Variants in ARHGEF10 observed in about 807,000 individuals in gnomAD.
ARHGEF10 encodes Rho guanine nucleotide exchange factor (GEF) 10.
Under a neutral mutation model 147.4 loss-of-function variants are expected in ARHGEF10, and 140 were observed. That is an observed-to-expected ratio of 0.95 (90% CI 0.83 to 1.09). The LOEUF (loss-of-function observed/expected upper bound fraction) is 1.09, where lower values mean the gene tolerates loss of function less well. Among genes scored for constraint, ARHGEF10 ranks in the 50% least tolerant of loss-of-function variants. The pLI is 0.00. For missense variants in ARHGEF10, 2,222 were observed against 1,752.7 expected (o/e 1.27, Z -4.78); for synonymous variants, 902 against 695.8 (o/e 1.30, Z -4.67).
chr8:1,930,789 G>A (rs764093426), intron 25 of ARHGEF10, among the ~76,000 whole-genome samples: 4 of 152,204 alleles, frequency 2.6e-5, no homozygotes, highest in Non-Finnish European at 4.4e-5. Flanking sequence ...CCTGGCCTGT[G>A]CGCACCTGCG....
chr8:1,929,406 G>C lies in ARHGEF10; in HGVS notation c.3042G>C (p.Leu1014=), dbSNP rs751872738. The C allele has an allele frequency of 5.6e-6, 9 of 1,611,880 alleles. No individual in the cohort carries two copies. Among genetic ancestry groups the C allele is most frequent in the Admixed American group, 5.0e-5 (3 of 59,882 alleles). Reference sequence around the variant, plus strand: ...CGTCTCAGAGCCTGTACGCTGGCCTGGTCAACGGGGCAGTCGCCAGCTACG... The same window carrying C: ...CGTCTCAGAGCCTGTACGCTGGCCTCGTCAACGGGGCAGTCGCCAGCTACG... The part of the protein sequence containing the change: ...ACTSQSLYAG[L]VNGAVASYAR... The change falls in exon 25 of 29, where the codon CTG becomes CTC. Residue 1014 remains leucine (L), a synonymous_variant. Transcript: ENST00000349830.
intron 11 of ARHGEF10, among the ~76,000 whole-genome samples, chr8:1,891,468 G>C (rs1809519906): frequency 1.3e-5 from 2 of 152,216 alleles, no homozygotes; most frequent in Non-Finnish European, 2.9e-5. Flanking sequence ...TACTTGGAAA[G>C]TACCCTTGAT....
chr8:1,861,247 C>G (rs1806105316), intron 4 of ARHGEF10, among the ~76,000 whole-genome samples: 1 of 152,236 alleles, frequency 6.6e-6, no homozygotes, highest in African/African-American at 2.4e-5. Context: ...ATGGCCCTGC[C>G]ATGTGTAGTC....
intron 26 of ARHGEF10, among the ~76,000 whole-genome samples, chr8:1,934,354 CAAA>C (rs36102342): frequency 6.0e-5 from 7 of 117,408 alleles, no homozygotes; most frequent in African/African-American, 9.8e-5. Flanking sequence ...ACCCTGTCTC[CAAA>C]AAAAAAAAAA....
intron 18 of ARHGEF10, among the ~76,000 whole-genome samples, chr8:1,915,608 C>T (rs1325178686): frequency 6.6e-6 from 1 of 152,236 alleles, no homozygotes; most frequent in Non-Finnish European, 1.5e-5. Flanking sequence ...ACATGCGTGG[C>T]TCTGTTCTCC....
At chr8:1,898,942 A>G (rs952094192) in intron 15 of ARHGEF10, among the ~76,000 whole-genome samples, 18 of 152,230 alleles carry the variant, frequency 1.2e-4, no homozygotes, top group African/African-American at 4.3e-4. Flanking sequence ...CTGTGCCCAG[A>G]GGGGATGGAC....
At chr8:1,851,782 C>T (rs1243670676) in intron 2 of ARHGEF10, among the ~76,000 whole-genome samples, 1 of 152,044 alleles carries the variant, frequency 6.6e-6, no homozygotes, top group Non-Finnish European at 1.5e-5. Context: ...GGCGTGGTGG[C>T]TCATGCCTGT....
At chr8:1,869,696 C>T (rs981932466) in intron 7 of ARHGEF10, 3 of 307,952 alleles carry the variant, frequency 9.7e-6, no homozygotes. Context: ...ATGAATTACA[C>T]GTTGATCCAT....
rs1310438436 is a variant in ARHGEF10 at position 1,850,135 on chromosome 8, T to C, written c.37+6699T>C. Among the ~76,000 whole-genome samples the C allele has an allele frequency of 4.2e-3, 556 of 131,680 alleles. 31 individuals are homozygous for C. The highest frequency in any genetic ancestry group is 0.016 in the African/African-American group (525 of 33,506). 86.4% of individuals were successfully genotyped at this position (131,680 alleles called of 152,430 possible). A position where few individuals can be genotyped will look rare whatever the true frequency, so the allele number is the denominator to read the frequency against. On this transcript the variant is annotated intron_variant, in intron 2 of 28. Coordinates refer to ENST00000349830, the MANE Select transcript of ARHGEF10 (RefSeq NM_014629.4). The stretch of plus-strand genomic sequence containing the variant: ...CTGCATGGACACAGAGGGCAAATGC[T>C]GAGGAGGGTGTGGGGCGGCCACGTG...
chr8:1,945,793 A>G, intron 27 of ARHGEF10, 138 bp downstream of exon 27: 1 of 1,328,944 alleles, frequency 7.5e-7, no homozygotes, highest in Non-Finnish European at 1.1e-6. Context: ...ATGGGGTGGG[A>G]CAAGGCCCAG....
At chr8:1,936,585 C>T (rs1262940843) in intron 26 of ARHGEF10, among the ~76,000 whole-genome samples, 1 of 152,140 alleles carries the variant, frequency 6.6e-6, no homozygotes, top group Non-Finnish European at 1.5e-5. Context: ...GGTCTAATTT[C>T]ATCTCTTTGA....
chr8:1,852,201 C>T (rs1307004583), intron 2 of ARHGEF10, among the ~76,000 whole-genome samples: 2 of 152,172 alleles, frequency 1.3e-5, no homozygotes, highest in Non-Finnish European at 2.9e-5. Flanking sequence ...CCTGCGGGCC[C>T]TCTAGAACCT....
intron 18 of ARHGEF10, among the ~76,000 whole-genome samples, chr8:1,920,967 G>C (rs74580390): frequency 6.6e-6 from 1 of 152,056 alleles, no homozygotes; most frequent in Non-Finnish European, 1.5e-5. Flanking sequence ...TGTATTTTTA[G>C]TAGAGACGGG....
At position 1,888,163 on chromosome 8, in the gene ARHGEF10, C is replaced by T. The variant is rs796590248; in HGVS notation, c.1182+2456C>T. 1.4e-3 allele frequency among the ~76,000 whole-genome samples: 54 copies of T among 39,644 alleles called. 3 individuals are homozygous for T. The highest frequency in any genetic ancestry group is 5.0e-3 in the African/African-American group (35 of 6,974). The allele number at this position is 39,644 out of a possible 152,430, so 26.0% of individuals were successfully genotyped here. A position where few individuals can be genotyped will look rare whatever the true frequency, so the allele number is the denominator to read the frequency against. ...GAGACACTTAGTGGGGCGAGGGTTG[C>T]GAGGAGACAGTGAGTGGGGTGAGGG... On this transcript the variant is annotated intron_variant, in intron 11 of 28. Transcript: ENST00000349830.
rs1813697869 is a variant in ARHGEF10, at chr8:1,937,343, C to A, written c.3222+3401C>A. Among the ~76,000 whole-genome samples the A allele has an allele frequency of 6.6e-6, 1 of 152,152 alleles. No individual in the cohort carries two copies. The highest frequency in any genetic ancestry group is 1.5e-5 in the Non-Finnish European group (1 of 68,030). On this transcript the variant is annotated intron_variant, in intron 26 of 28. Transcript: ENST00000349830. The surrounding 1 kb of genome is among the most constrained non-coding windows in gnomAD (Gnocchi z 4.9). The stretch of plus-strand genomic sequence containing the variant: ...AGCCCTTGTACCCCATCAGTACAGC[C>A]ATCCTAGTAATTGCGTATTTACAGA...
In ARHGEF10 at chr8:1,957,916, AAT is replaced by A. The variant is rs1048389258; in HGVS notation, c.*654_*655del. ...TTTTTCTATTAAAAAATTAACAGTTAATGTTTCAGTCAATGTATTATCTGTAG... is the reference window on the plus strand; with the variant it reads ...TTTTTCTATTAAAAAATTAACAGTTAGTTTCAGTCAATGTATTATCTGTAG... On this transcript the variant is annotated 3_prime_UTR_variant, in exon 29 of 29. Coordinates refer to ENST00000349830, the MANE Select transcript of ARHGEF10 (RefSeq NM_014629.4). 4.6e-5 allele frequency: 7 copies of A among 152,348 alleles called. No homozygotes were observed. The highest frequency in any genetic ancestry group is 1.7e-4 in the African/African-American group (7 of 41,476). 9.4% of individuals were successfully genotyped at this position (152,348 alleles called of 1,614,324 possible). A position where few individuals can be genotyped will look rare whatever the true frequency, so the allele number is the denominator to read the frequency against.
chr8:1,828,768 C>A (rs1228220424), intron 1 of ARHGEF10, among the ~76,000 whole-genome samples: 1 of 151,616 alleles, frequency 6.6e-6, no homozygotes, highest in Non-Finnish European at 1.5e-5. Flanking sequence ...CCGTGGCATG[C>A]ACACTTACTG....
In ARHGEF10 at chr8:1,923,868, G is replaced by GC; in HGVS notation, c.2485dup (p.Leu829ProfsTer20). On this transcript the variant is annotated frameshift_variant, in exon 21 of 29. Coordinates refer to ENST00000349830, the MANE Select transcript of ARHGEF10 (RefSeq NM_014629.4). LOFTEE classifies it high-confidence loss of function. ...CAACAGCTTACAGATGGCCAAGCTC[G>GC]CCCTAGGTAAGGCCTGGCTGGCTGA... The GC allele has an allele frequency of 6.2e-7, 1 of 1,614,020 alleles. No homozygotes were observed. Among genetic ancestry groups the GC allele is most frequent in the Non-Finnish European group, 8.5e-7 (1 of 1,179,948 alleles).
chr8:1,916,816 C>T (rs529200520), intron 18 of ARHGEF10, among the ~76,000 whole-genome samples: 104 of 152,290 alleles, frequency 6.8e-4, no homozygotes, highest in African/African-American at 2.4e-3. Context: ...AACACTAAAA[C>T]GTTTAAAGAC....
Sources: allele counts gnomAD v4.1 joint callset (sites outside exome capture counted in the v4.1 genomes callset), GRCh38; gene constraint gnomAD v4.1.1; non-coding constraint Gnocchi (gnomAD v3.1); transcripts MANE v1.5; gene names NCBI Gene and HGNC (gene_info 2026-07-23, HGNC 2026-07-21).